Variants in CLEC2D observed in about 807,000 individuals in gnomAD.
CLEC2D encodes the protein C-type lectin domain family 2 member D.
Under a neutral mutation model 20.0 loss-of-function variants are expected in CLEC2D, and 16 were observed. The ratio of observed to expected loss-of-function variants is 0.80; its 90% CI spans 0.54 to 1.22. CLEC2D has a LOEUF of 1.22. Ranked by LOEUF, CLEC2D falls within the 50% of genes most tolerant of loss-of-function variation. The pLI is 0.00. For synonymous variants in CLEC2D, 77 were observed against 71.1 expected, an observed-to-expected ratio of 1.08 and a Z score of -0.42; for missense variants, 207 against 221.5, an observed-to-expected ratio of 0.93 and a Z score of 0.42.
At chr12:9,688,298 C>A (rs1865797232) in intron 3 of CLEC2D, 1 of 965,006 alleles carries the variant, frequency 1.0e-6, no homozygotes, top group Non-Finnish European at 1.3e-6. Context: ...CAGGAACAGG[C>A]CCAGAGGGCA....
intron 3 of CLEC2D, 101 bp downstream of exon 3, chr12:9,688,187 T>A: frequency 1.7e-6 from 2 of 1,187,084 alleles, no homozygotes; most frequent in Non-Finnish European, 2.1e-6. Flanking sequence ...TGCTTTTACA[T>A]TGATTTTTTT....
At chr12:9,682,894 G>A (rs1865665134) in intron 2 of CLEC2D, among the ~76,000 whole-genome samples, 1 of 151,564 alleles carries the variant, frequency 6.6e-6, no homozygotes, top group Non-Finnish European at 1.5e-5. Flanking sequence ...AGTATTTCTG[G>A]TTATAGATCC....
chr12:9,694,053 A>G (rs746290839), intron 4 of CLEC2D: 2 of 175,232 alleles, frequency 1.1e-5, no homozygotes, highest in South Asian at 8.4e-5. Flanking sequence ...AGCTCAAGCA[A>G]TCCTCCCACC....
intron 1 of CLEC2D, among the ~76,000 whole-genome samples, chr12:9,676,422 A>G (rs1865521350): frequency 6.6e-6 from 1 of 152,168 alleles, no homozygotes. Flanking sequence ...TTTTTTGTAT[A>G]TATTGATATA....
intron 4 of CLEC2D, chr12:9,693,750 A>T (rs947108872): frequency 2.4e-6 from 1 of 415,154 alleles, no homozygotes; most frequent in African/African-American, 2.1e-5. Context: ...TTTATTTCTT[A>T]TTTTACAATA....
intron 2 of CLEC2D, among the ~76,000 whole-genome samples, chr12:9,685,587 A>C (rs975057620): frequency 5.9e-5 from 9 of 152,126 alleles, no homozygotes; most frequent in African/African-American, 1.9e-4. Context: ...GCTTTGCTGC[A>C]CTGGCTTTGC....
At chr12:9,677,703 C>A in intron 1 of CLEC2D, among the ~76,000 whole-genome samples, 1 of 85,842 alleles carries the variant, frequency 1.2e-5, no homozygotes, top group African/African-American at 4.2e-5. Context: ...GCATTTCTTT[C>A]TTTCTTTTTT....
rs1866015824 is a variant in CLEC2D at position 9,697,144 on chromosome 12, C to A, written c.*2270C>A. 1 of 152,080 alleles carries A rather than the reference C, an allele frequency of 6.6e-6. No individual in the cohort carries two copies. The highest frequency in any genetic ancestry group is 1.5e-5 in the Non-Finnish European group (1 of 68,020). The allele number at this position is 152,080 out of a possible 1,614,324, so 9.4% of individuals were successfully genotyped here. On this transcript the variant is annotated 3_prime_UTR_variant, in exon 5 of 5. Transcript: ENST00000290855. The stretch of plus-strand genomic sequence containing the variant: ...ATCTGGCCATAAACTCACCCCAAAA[C>A]TGGCCATAAACAAAATCTCTGCAGC...
At chr12:9,686,190 C>G (rs1308759538) in intron 2 of CLEC2D, among the ~76,000 whole-genome samples, 1 of 151,650 alleles carries the variant, frequency 6.6e-6, no homozygotes, top group East Asian at 1.9e-4. Flanking sequence ...ACTTGTGTAA[C>G]CAGTCCCAGT....
Position 9,698,300 on chromosome 12 carries a change from A to G in CLEC2D, c.*3426A>G, listed in dbSNP as rs943971273. Reference sequence around the variant, plus strand: ...TACACTATTATTAACTATAGTCACTATGCTGTGCAATAGATCTCAAAAGCT... The same window carrying G: ...TACACTATTATTAACTATAGTCACTGTGCTGTGCAATAGATCTCAAAAGCT... On this transcript the variant is annotated 3_prime_UTR_variant, in exon 5 of 5. Transcript: ENST00000290855. The G allele has an allele frequency of 6.6e-6, 1 of 152,208 alleles. No homozygotes were observed. The highest frequency in any genetic ancestry group is 1.5e-5 in the Non-Finnish European group (1 of 68,042). The allele number at this position is 152,208 out of a possible 1,614,324, so 9.4% of individuals were successfully genotyped here.
In CLEC2D at chr12:9,686,844, C is replaced by T. The variant is rs78358418; in HGVS notation, c.173-1058C>T. ...GCTGCCTTCAAAGTGTAGAAAACCT[C>T]ACTAAATCTCCTTAGTGGAAGGAAG... is the stretch of plus-strand genomic sequence containing the variant. On this transcript the variant is annotated intron_variant, in intron 2 of 4. Coordinates refer to ENST00000290855, the MANE Select transcript of CLEC2D (RefSeq NM_013269.6). 6.4e-3 allele frequency among the ~76,000 whole-genome samples: 980 copies of T among 152,344 alleles called. 13 individuals carry two copies. Among genetic ancestry groups the T allele is most frequent in the African/African-American group, 0.022 (929 of 41,572 alleles).
chr12:9,695,094 G>C lies in CLEC2D; in HGVS notation c.*220G>C. 1.7e-6 allele frequency: 1 copy of C among 576,268 alleles called. No homozygotes were observed. The highest frequency in any genetic ancestry group is 3.1e-6 in the Non-Finnish European group (1 of 323,456). The allele number at this position is 576,268 out of a possible 1,614,324, so 35.7% of individuals were successfully genotyped here. On this transcript the variant is annotated 3_prime_UTR_variant, in exon 5 of 5. Coordinates refer to ENST00000290855, the MANE Select transcript of CLEC2D (RefSeq NM_013269.6). ...CTCCCACTGCTAATGACATACCCGA[G>C]ACTGAGTAATTTATAAATAAAAGAG...
At chr12:9,688,435 A>C (rs1371544005) in intron 3 of CLEC2D, among the ~76,000 whole-genome samples, 1 of 152,196 alleles carries the variant, frequency 6.6e-6, no homozygotes, top group East Asian at 1.9e-4. Flanking sequence ...AAATCAAACA[A>C]GGCCAAGAGC....
At position 9,695,531 on chromosome 12, in the gene CLEC2D, G is replaced by A. The variant is rs1865963052; in HGVS notation, c.*657G>A. ...TTATCTTTAAGAACGGTCAGCTCAG[G>A]GGCTGGTGCAAAGGATGAACTGCAC... On this transcript the variant is annotated 3_prime_UTR_variant, in exon 5 of 5. Coordinates refer to ENST00000290855, the MANE Select transcript of CLEC2D (RefSeq NM_013269.6). 13 of 1,263,154 alleles carry A rather than the reference G, an allele frequency of 1.0e-5. No individual in the cohort carries two copies. Among genetic ancestry groups the A allele is most frequent in the Non-Finnish European group, 1.5e-5 (13 of 876,292 alleles). 78.2% of individuals were successfully genotyped at this position (1,263,154 alleles called of 1,614,324 possible). A position where few individuals can be genotyped will look rare whatever the true frequency, so the allele number is the denominator to read the frequency against.
At chr12:9,692,338 C>G (rs1018041229) in intron 3 of CLEC2D, among the ~76,000 whole-genome samples, 1 of 151,954 alleles carries the variant, frequency 6.6e-6, no homozygotes, top group Non-Finnish European at 1.5e-5. Flanking sequence ...GGGGCTTCAT[C>G]ATGTTGGCCA....
Position 9,673,054 on chromosome 12 carries a change from C to T in CLEC2D, c.61+3259C>T, listed in dbSNP as rs890935782. On this transcript the variant is annotated intron_variant, in intron 1 of 4. Coordinates refer to ENST00000290855, the MANE Select transcript of CLEC2D (RefSeq NM_013269.6). ...ATTCGTTATTACCAACTTTCTGAAG[C>T]CTACTTCTGTCAGTTTATCCATCTC... 1.1e-4 allele frequency among the ~76,000 whole-genome samples: 16 copies of T among 152,148 alleles called. 1 individual carries two copies. The highest frequency in any genetic ancestry group is 2.6e-4 in the Admixed American group (4 of 15,274).
intron 2 of CLEC2D, among the ~76,000 whole-genome samples, chr12:9,684,563 C>A (rs1046591161): frequency 6.6e-6 from 1 of 152,042 alleles, no homozygotes. Context: ...CCATCAATAC[C>A]TAGTCTATTG....
chr12:9,683,809 T>C (rs1177628468), intron 2 of CLEC2D, among the ~76,000 whole-genome samples: 1 of 152,176 alleles, frequency 6.6e-6, no homozygotes, highest in Non-Finnish European at 1.5e-5. Flanking sequence ...GGTAGCATGA[T>C]GCCTCCAGCT....
intron 2 of CLEC2D, among the ~76,000 whole-genome samples, chr12:9,682,401 G>A (rs1156874694): frequency 1.3e-5 from 2 of 152,028 alleles, no homozygotes; most frequent in African/African-American, 2.4e-5. Flanking sequence ...TAAGTTCTGG[G>A]ATAAATGTGC....
Sources: gnomAD v4.1 joint callset for allele counts (sites outside exome capture counted in the v4.1 genomes callset) on GRCh38, gnomAD v4.1.1 for gene constraint, MANE v1.5 for transcripts, NCBI Gene and HGNC (gene_info 2026-07-23, HGNC 2026-07-21) for gene names.